SOX5: variants seen among roughly 807,000 people sequenced by gnomAD.
SOX5 encodes SRY-box transcription factor 5.
In SOX5, 9 loss-of-function variants were observed where a neutral mutation model predicts 92.0. That is an observed-to-expected ratio of 0.10 (90% CI 0.06 to 0.17). SOX5 has a LOEUF of 0.17. Among genes scored for constraint, SOX5 ranks in the 10% least tolerant of loss-of-function variants. The pLI is 1.00. For missense variants in SOX5, 642 were observed against 944.5 expected (o/e 0.68, Z 4.20); for synonymous variants, 344 against 336.3 (o/e 1.02, Z -0.25).
intron 3 of SOX5, among the ~76,000 whole-genome samples, chr12:24,276,416 T>A (rs187132239): frequency 0.011 from 1,645 of 152,264 alleles, 16 homozygotes; most frequent in Non-Finnish European, 0.018. Flanking sequence ...TCTGAATAAA[T>A]GAGCTTTAAG....
chr12:23,833,292 G>A (rs2096360263), intron 3 of SOX5, among the ~76,000 whole-genome samples: 2 of 151,838 alleles, frequency 1.3e-5, no homozygotes, highest in African/African-American at 4.8e-5. Flanking sequence ...AGGTTGTGGA[G>A]GGAAAGATCC....
intron 1 of SOX5, among the ~76,000 whole-genome samples, chr12:24,556,403 TG>T (rs1953785741): frequency 6.6e-6 from 1 of 152,362 alleles, no homozygotes; most frequent in Non-Finnish European, 1.5e-5. Flanking sequence ...GGTATGTTTA[TG>T]GTGCCTTTCT....
At chr12:23,990,219 T>C (rs1196276337) in intron 4 of SOX5, among the ~76,000 whole-genome samples, 1 of 152,182 alleles carries the variant, frequency 6.6e-6, no homozygotes, top group Non-Finnish European at 1.5e-5. Flanking sequence ...TATTTTCATC[T>C]GGTCCATCTT....
intron 4 of SOX5, among the ~76,000 whole-genome samples, chr12:24,000,380 A>G (rs143985679): frequency 2.0e-5 from 3 of 152,032 alleles, no homozygotes; most frequent in African/African-American, 7.2e-5. Flanking sequence ...ATTTCTTAGT[A>G]TATATGTAAA....
chr12:23,903,759 T>A (rs1310573638), intron 1 of SOX5, among the ~76,000 whole-genome samples: 1 of 152,198 alleles, frequency 6.6e-6, no homozygotes, highest in East Asian at 1.9e-4. Context: ...ACATTTACAT[T>A]TACTTGTCTG....
At chr12:24,201,586 A>T (rs1957525111) in intron 4 of SOX5, among the ~76,000 whole-genome samples, 1 of 152,204 alleles carries the variant, frequency 6.6e-6, no homozygotes, top group Non-Finnish European at 1.5e-5. Flanking sequence ...ACACAAAAAA[A>T]CTTTAACATC....
intron 2 of SOX5, among the ~76,000 whole-genome samples, chr12:24,359,891 T>C (rs1309581832): frequency 6.6e-6 from 1 of 152,122 alleles, no homozygotes; most frequent in Non-Finnish European, 1.5e-5. Flanking sequence ...GATTTAAAAA[T>C]AGAATCTTCA....
chr12:24,347,139 A>G (rs1332169831), intron 2 of SOX5, among the ~76,000 whole-genome samples: 1 of 152,220 alleles, frequency 6.6e-6, no homozygotes, highest in Non-Finnish European at 1.5e-5. Flanking sequence ...TATTTGGGGA[A>G]AAAAATTCCA....
At chr12:23,703,789 G>C (rs1280032065) in intron 6 of SOX5, among the ~76,000 whole-genome samples, 1 of 151,038 alleles carries the variant, frequency 6.6e-6, no homozygotes, top group Non-Finnish European at 1.5e-5. Flanking sequence ...CATCAAAAAA[G>C]TTTCAGTTCC....
intron 4 of SOX5, among the ~76,000 whole-genome samples, chr12:24,115,290 GTA>G (rs1346206819): frequency 2.0e-5 from 3 of 152,172 alleles, no homozygotes; most frequent in Non-Finnish European, 4.4e-5. Flanking sequence ...TAGTCTTGAT[GTA>G]TCTTTGTGAA....
intron 1 of SOX5, among the ~76,000 whole-genome samples, chr12:24,507,634 A>G (rs1948920681): frequency 6.6e-6 from 1 of 152,224 alleles, no homozygotes; most frequent in Non-Finnish European, 1.5e-5. Flanking sequence ...ATGTGCAGGG[A>G]ATTAGATAAT....
intron 1 of SOX5, among the ~76,000 whole-genome samples, chr12:24,555,897 C>T (rs748967985): frequency 6.6e-6 from 1 of 152,240 alleles, no homozygotes; most frequent in Admixed American, 6.5e-5. Context: ...ACTTCCCCAA[C>T]TGCTTCCCCT....
intron 1 of SOX5, among the ~76,000 whole-genome samples, chr12:24,475,963 C>G (rs370638063): frequency 4.9e-5 from 7 of 144,034 alleles, no homozygotes; most frequent in Non-Finnish European, 9.1e-5. Context: ...GCCTGGATGA[C>G]AGAGCAAGAC....
At chr12:24,284,137 T>A (rs1456631155) in intron 2 of SOX5, among the ~76,000 whole-genome samples, 1 of 152,206 alleles carries the variant, frequency 6.6e-6, no homozygotes, top group Non-Finnish European at 1.5e-5. Flanking sequence ...GCGGTTATCT[T>A]TGGGGGATTC....
intron 4 of SOX5, among the ~76,000 whole-genome samples, chr12:23,991,125 G>A (rs991317279): frequency 2.0e-5 from 3 of 151,234 alleles, no homozygotes; most frequent in African/African-American, 7.3e-5. Flanking sequence ...AGGCTGAGGA[G>A]AGAGGGTCGC....
At chr12:24,302,316 A>G (rs1157790620) in intron 2 of SOX5, among the ~76,000 whole-genome samples, 1 of 152,246 alleles carries the variant, frequency 6.6e-6, no homozygotes, top group Non-Finnish European at 1.5e-5. Flanking sequence ...TATGAATTTA[A>G]CATTGTTATA....
At chr12:24,293,607 A>C (rs763045305) in intron 2 of SOX5, among the ~76,000 whole-genome samples, 1 of 152,208 alleles carries the variant, frequency 6.6e-6, no homozygotes, top group Non-Finnish European at 1.5e-5. Flanking sequence ...GTGGGGAAGA[A>C]TCTTCACAGA....
At chr12:23,557,837 G>A (rs554735425) in intron 11 of SOX5, among the ~76,000 whole-genome samples, 53 of 152,226 alleles carry the variant, frequency 3.5e-4, no homozygotes, top group African/African-American at 1.1e-3. Flanking sequence ...TTAGCCAGGC[G>A]TTGTGGCACA....
chr12:23,902,831 T>A (rs1343154587), intron 1 of SOX5, among the ~76,000 whole-genome samples: 1 of 152,176 alleles, frequency 6.6e-6, no homozygotes, highest in Non-Finnish European at 1.5e-5. Flanking sequence ...AATATTCTAA[T>A]CCTCTACACC....
Sources: gnomAD v4.1 joint callset for allele counts (sites outside exome capture counted in the v4.1 genomes callset) on GRCh38, gnomAD v4.1.1 for gene constraint, MANE v1.5 for transcripts, NCBI Gene and HGNC (gene_info 2026-07-23, HGNC 2026-07-21) for gene names.